The following FLT1 variants were observed in gnomAD, a reference collection of about 807,000 sequenced individuals.
FLT1 encodes the protein vascular endothelial growth factor receptor 1.
A neutral mutation model predicts 156.3 loss-of-function variants in FLT1; 49 were observed. That is an observed-to-expected ratio of 0.31 (90% CI 0.25 to 0.40). The LOEUF (loss-of-function observed/expected upper bound fraction) is 0.40. Ranked by LOEUF, FLT1 falls within the 10% of genes least tolerant of loss-of-function variation. The probability of loss-of-function intolerance (pLI) is 1.00; values close to 1 mark genes in which losing one functional copy is unlikely to be tolerated. For missense variants in FLT1, 1,322 were observed against 1,637.2 expected, an observed-to-expected ratio of 0.81 and a Z score of 3.32; for synonymous variants, 594 against 583.8, an observed-to-expected ratio of 1.02 and a Z score of -0.25.
chr13:28,343,263 G>A (rs1351639929), intron 16 of FLT1, among the ~76,000 whole-genome samples: 2 of 150,834 alleles, frequency 1.3e-5, no homozygotes, highest in Non-Finnish European at 2.9e-5. Context: ...GATTACAGGC[G>A]TGAGCCACTG....
At chr13:28,487,684 C>T (rs1358268829) in intron 1 of FLT1, among the ~76,000 whole-genome samples, 2 of 152,164 alleles carry the variant, frequency 1.3e-5, no homozygotes, top group Non-Finnish European at 2.9e-5. Context: ...CGGCACAATG[C>T]AGCGAGACAA....
intron 10 of FLT1, among the ~76,000 whole-genome samples, chr13:28,418,527 C>T (rs1876792786): frequency 6.6e-6 from 1 of 152,060 alleles, no homozygotes; most frequent in African/African-American, 2.4e-5. Context: ...TATGGGACAC[C>T]AGGGAAAAAT....
chr13:28,426,761 C>G (rs1314280747), intron 10 of FLT1, among the ~76,000 whole-genome samples: 1 of 152,180 alleles, frequency 6.6e-6, no homozygotes, highest in Non-Finnish European at 1.5e-5. Context: ...TTGGGAAGAA[C>G]TTGGATCATA....
chr13:28,398,144 G>C (rs1875179322), intron 11 of FLT1, among the ~76,000 whole-genome samples: 1 of 152,150 alleles, frequency 6.6e-6, no homozygotes, highest in African/African-American at 2.4e-5. Flanking sequence ...GAGAAAGCTA[G>C]TTTCTCATAC....
chr13:28,471,331 G>A (rs934538904), intron 1 of FLT1, among the ~76,000 whole-genome samples: 1 of 152,160 alleles, frequency 6.6e-6, no homozygotes, highest in African/African-American at 2.4e-5. Context: ...TATTGGAGGT[G>A]TCAAGATTAT....
intron 18 of FLT1, among the ~76,000 whole-genome samples, chr13:28,330,771 T>C (rs957319077): frequency 6.6e-6 from 1 of 152,056 alleles, no homozygotes; most frequent in Admixed American, 6.6e-5. Flanking sequence ...TGGCGTGCAT[T>C]GGTGCGATCT....
rs1871460708 is a variant in FLT1, at chr13:28,321,547, T to C, written c.3090A>G (p.Leu1030=). 1.2e-6 allele frequency: 2 copies of C among 1,614,042 alleles called. No individual in the cohort carries two copies. Among genetic ancestry groups the C allele is most frequent in the African/African-American group, 1.3e-5 (1 of 74,944 alleles). Residue 1030 remains leucine, a synonymous_variant, in exon 23 of 30, where the codon TTA becomes TTG. Transcript: ENST00000282397. Reference sequence around the variant, plus strand: ...AAATCTTCACCACGTTGTTCTCAGATAAAAGAATGTTTCTCGCTGCCAGGT... The same window carrying C: ...AAATCTTCACCACGTTGTTCTCAGACAAAAGAATGTTTCTCGCTGCCAGGT... The part of the protein sequence containing the change: ...HRDLAARNIL[L]SENNVVKICD...
intron 25 of FLT1, among the ~76,000 whole-genome samples, chr13:28,312,347 T>C (rs531210676): frequency 6.6e-6 from 1 of 152,310 alleles, no homozygotes; most frequent in African/African-American, 2.4e-5. Context: ...AGCTCATGGA[T>C]ACCCAGGTTC....
chr13:28,314,423 T>C (rs1871124358), intron 25 of FLT1, among the ~76,000 whole-genome samples: 1 of 152,188 alleles, frequency 6.6e-6, no homozygotes, highest in Middle Eastern at 3.2e-3. Context: ...AAAAATTCAT[T>C]GCTTATTCCC....
intron 11 of FLT1, among the ~76,000 whole-genome samples, chr13:28,401,443 T>C (rs990718849): frequency 2.0e-5 from 3 of 152,192 alleles, no homozygotes; most frequent in East Asian, 1.9e-4. Context: ...TTCATGTTCC[T>C]TCCTTCCTTC....
chr13:28,356,358 T>C (rs1320049922), intron 15 of FLT1, among the ~76,000 whole-genome samples: 3 of 152,192 alleles, frequency 2.0e-5, no homozygotes, highest in Admixed American at 6.5e-5. Flanking sequence ...TTAGCAGCTA[T>C]CTGGGGAAGA....
rs1252866124 is a variant in FLT1, at chr13:28,390,042, G to T, written c.1723C>A (p.Leu575Met). The change falls in exon 13 of 30, where the codon CTG becomes ATG. Residue 575 changes from leucine (L) to methionine (M), a missense_variant. Around this residue, in one of 3 missense-constraint regions of FLT1, gnomAD observed 991 missense variants for 1,254.8 expected, o/e 0.79. Transcript: ENST00000282397. ...KMPTEGEDLKLSCTVNKFLYR... is the reference protein window; with the variant it reads ...KMPTEGEDLKMSCTVNKFLYR... ...AAGAACTTGTTAACTGTGCAAGACA[G>T]TTTCAGGTCCTCTCCTTCCGTCGGC... 2 of 1,614,066 alleles carry T rather than the reference G, an allele frequency of 1.2e-6. No individual in the cohort carries two copies. Among genetic ancestry groups the T allele is most frequent in the Non-Finnish European group, 1.7e-6 (2 of 1,180,036 alleles).
intron 3 of FLT1, among the ~76,000 whole-genome samples, chr13:28,449,680 CA>C (rs1878818840): frequency 6.6e-6 from 1 of 152,180 alleles, no homozygotes; most frequent in South Asian, 2.1e-4. Context: ...GTTTCAGACT[CA>C]AGATGCCATT....
chr13:28,338,731 T>G (rs17086585), intron 17 of FLT1, among the ~76,000 whole-genome samples: 1,833 of 152,300 alleles, frequency 0.012, 44 homozygotes, highest in African/African-American at 0.041. Flanking sequence ...CACTGTTCCT[T>G]GCCACCCTCA....
intron 10 of FLT1, among the ~76,000 whole-genome samples, chr13:28,424,423 T>C (rs543987788): frequency 1.4e-4 from 22 of 152,326 alleles, no homozygotes; most frequent in Admixed American, 1.4e-3. Flanking sequence ...AGTCAAAACT[T>C]AGCTCGCCTT....
chr13:28,461,136 CTTT>C (rs201568374), intron 3 of FLT1, among the ~76,000 whole-genome samples: 1 of 145,206 alleles, frequency 6.9e-6, no homozygotes, highest in Non-Finnish European at 1.5e-5. Flanking sequence ...CAGCTCCTAG[CTTT>C]TTTTTTTTTA....
chr13:28,446,077 C>T (rs1225246480), intron 3 of FLT1, among the ~76,000 whole-genome samples: 1 of 152,064 alleles, frequency 6.6e-6, no homozygotes, highest in Non-Finnish European at 1.5e-5. Context: ...CTTAAAATGG[C>T]AGAAGAAGGA....
At chr13:28,490,128 A>G (rs1881388179) in intron 1 of FLT1, among the ~76,000 whole-genome samples, 1 of 152,142 alleles carries the variant, frequency 6.6e-6, no homozygotes, top group Admixed American at 6.5e-5. Context: ...ACCTTGAAAA[A>G]CAGCACTGGC....
At chr13:28,315,714 C>T (rs1871175696) in intron 25 of FLT1, among the ~76,000 whole-genome samples, 1 of 152,094 alleles carries the variant, frequency 6.6e-6, no homozygotes, top group East Asian at 1.9e-4. Flanking sequence ...TGAGAACTTT[C>T]TCGAGATTTT....
Sources: allele counts gnomAD v4.1 joint callset (sites outside exome capture counted in the v4.1 genomes callset), GRCh38; gene constraint gnomAD v4.1.1; regional missense constraint gnomAD v4.1.1; transcripts MANE v1.5; gene names NCBI Gene and HGNC (gene_info 2026-07-23, HGNC 2026-07-21).